Variants in EPPK1 observed in about 807,000 individuals in gnomAD.
EPPK1 encodes epiplakin 1, also known as epiplakin.
For missense variants in EPPK1, 3,823 were observed against 3,673.3 expected (o/e 1.04, Z -1.05); for synonymous variants, 1,862 against 1,721.2 (o/e 1.08, Z -2.03).
At position 143,869,061 on chromosome 8, in the gene EPPK1, T is replaced by C. The variant is rs782208855; in HGVS notation, c.4193A>G (p.Lys1398Arg). The C allele has an allele frequency of 3.7e-5, 60 of 1,608,894 alleles. No homozygotes were observed. The highest frequency in any genetic ancestry group is 4.8e-5 in the Non-Finnish European group (57 of 1,179,808). Residue 1398 changes from lysine to arginine, a missense_variant, in exon 2 of 2, where the codon AAG (lysine) becomes AGG (arginine). Coordinates refer to ENST00000615648, the MANE Select transcript of EPPK1 (RefSeq NM_031308.4). ...GGGGTCAAAGAAGAACTTGTTGTCC[T>C]TGTCAACTGCAGTCAGCACCTGGCT... ...QTSQVLTAVD[K>R]DNKFFFDPSA...
chr8:143,868,786 A>T lies in EPPK1; in HGVS notation c.4468T>A (p.Cys1490Ser), dbSNP rs1235686220. Residue 1490 changes from cysteine to serine, a missense_variant, in exon 2 of 2, where the codon TGT (cysteine) becomes AGT (serine). Coordinates refer to ENST00000615648, the MANE Select transcript of EPPK1 (RefSeq NM_031308.4). The part of the protein sequence containing the change: ...ADKRRELVAL[C>S]RSGRAAALRQ... ...AGGGCCGCAGCCCTCCCAGACCGACAGAGTGCCACCAGCTCCCGCCGCTTG... is the reference window on the plus strand; with the variant it reads ...AGGGCCGCAGCCCTCCCAGACCGACTGAGTGCCACCAGCTCCCGCCGCTTG... 6.2e-7 allele frequency: 1 copy of T among 1,600,338 alleles called. No homozygotes were observed. The highest frequency in any genetic ancestry group is 8.5e-7 in the Non-Finnish European group (1 of 1,178,136).
upstream of EPPK1, among the ~76,000 whole-genome samples, chr8:143,879,031 T>A (rs1168772097): frequency 6.6e-6 from 1 of 152,154 alleles, no homozygotes; most frequent in Non-Finnish European, 1.5e-5. Context: ...CAGAGAATGT[T>A]CCCTGTCACC....
In EPPK1 at chr8:143,867,143, G is replaced by A. The variant is rs1223894627; in HGVS notation, c.6111C>T (p.His2037=). 1 of 1,612,810 alleles carries A rather than the reference G, an allele frequency of 6.2e-7. No homozygotes were observed. Among genetic ancestry groups the A allele is most frequent in the Admixed American group, 1.7e-5 (1 of 60,032 alleles). The part of the protein sequence containing the change: ...LETAYRRGCL[H]KDIYALISDQ... ...CGGAAATGAGCGCATAGATGTCCTT[G>A]TGCAGACAGCCCCGTCTGTAGGCTG... Residue 2037 remains histidine (H), a synonymous_variant, in exon 2 of 2, where the codon CAC becomes CAT. Transcript: ENST00000615648.
At position 143,868,163 on chromosome 8, in the gene EPPK1, G is replaced by A; in HGVS notation, c.5091C>T (p.His1697=). 6.2e-7 allele frequency: 1 copy of A among 1,613,156 alleles called. No homozygotes were observed. ...TGGIIDPVHS[H]RVPVDVAYRC... ...GGTAGGCCACGTCCACGGGCACGCG[G>A]TGGCTGTGCACGGGGTCGATGATGC... The change falls in exon 2 of 2, where the codon CAC becomes CAT. Residue 1697 remains histidine, a synonymous_variant. Transcript: ENST00000615648.
rs1818919018 is a variant in EPPK1 at position 143,857,705 on chromosome 8, A to C, written c.*282T>G. 2 of 394,360 alleles carry C rather than the reference A, an allele frequency of 5.1e-6. No homozygotes were observed. The highest frequency in any genetic ancestry group is 4.5e-6 in the Non-Finnish European group (1 of 223,614). 24.4% of individuals were successfully genotyped at this position (394,360 alleles called of 1,614,324 possible). A position where few individuals can be genotyped will look rare whatever the true frequency, so the allele number is the denominator to read the frequency against. On this transcript the variant is annotated 3_prime_UTR_variant, in exon 2 of 2. Coordinates refer to ENST00000615648, the MANE Select transcript of EPPK1 (RefSeq NM_031308.4). ...GTAAAATGGAAGCAGTGAATCCAAAACAGACAGAAAAATGTTCTGAAAACG... is the reference window on the plus strand; with the variant it reads ...GTAAAATGGAAGCAGTGAATCCAAACCAGACAGAAAAATGTTCTGAAAACG...
At position 143,869,067 on chromosome 8, in the gene EPPK1, A is replaced by G. The variant is rs782352222; in HGVS notation, c.4187T>C (p.Val1396Ala). ...AAAGAAGAACTTGTTGTCCTTGTCA[A>G]CTGCAGTCAGCACCTGGCTCGTCTG... Reference protein sequence around the residue: ...DTQTSQVLTAVDKDNKFFFDP... With the variant: ...DTQTSQVLTAADKDNKFFFDP... The change falls in exon 2 of 2, where the codon GTT (valine) becomes GCT (alanine). Residue 1396 changes from valine to alanine, a missense_variant. Coordinates refer to ENST00000615648, the MANE Select transcript of EPPK1 (RefSeq NM_031308.4). 1.8e-5 allele frequency: 29 copies of G among 1,608,746 alleles called. No individual in the cohort carries two copies. In the South Asian group the frequency reaches 2.6e-4, roughly 15 times the overall value.
In EPPK1 at chr8:143,868,207, C is replaced by A; in HGVS notation, c.5047G>T (p.Ala1683Ser). Residue 1683 changes from alanine (A) to serine (S), a missense_variant, in exon 2 of 2, where the codon GCC becomes TCC. Ala to Ser is a moderately conservative substitution (Grantham distance 99). Coordinates refer to ENST00000615648, the MANE Select transcript of EPPK1 (RefSeq NM_031308.4). ...VREHGIRLLE[A>S]QIATGGIIDP... ...ATGATGCCGCCCGTGGCGATCTGGG[C>A]CTCCAGCAGGCGGATGCCGTGCTCC... 1 of 1,613,150 alleles carries A rather than the reference C, an allele frequency of 6.2e-7. No individual in the cohort carries two copies. The highest frequency in any genetic ancestry group is 2.2e-5 in the East Asian group (1 of 44,888).
At chr8:143,874,557 A>T (rs1393310034) in intron 1 of EPPK1, among the ~76,000 whole-genome samples, 1 of 152,142 alleles carries the variant, frequency 6.6e-6, no homozygotes, top group Non-Finnish European at 1.5e-5. Flanking sequence ...AAGCTGGAAA[A>T]GGCAGGCAGG....
chr8:143,865,774 C>T lies in EPPK1; in HGVS notation c.7480G>A (p.Ala2494Thr). 1 of 31,668 alleles carries T rather than the reference C, an allele frequency of 3.2e-5. No homozygotes were observed. The allele number at this position is 31,668 out of a possible 1,614,324, so 2.0% of individuals were successfully genotyped here. A position where few individuals can be genotyped will look rare whatever the true frequency, so the allele number is the denominator to read the frequency against. Residue 2494 changes from alanine to threonine, a missense_variant, in exon 2 of 2, where the codon GCC (alanine) becomes ACC (threonine). Transcript: ENST00000615648. ...GCCCGGGCCTGGGCCTGGGCCTGGG[C>T]CAGCAGCGAGGTGAGGGTGGCGCCC... Reference protein sequence around the residue: ...ELGATLTSLLAQAQAQARAEA... With the variant: ...ELGATLTSLLTQAQAQARAEA...
Position 143,869,948 on chromosome 8 carries a change from G to T in EPPK1, c.3306C>A (p.Cys1102Ter). The change falls in exon 2 of 2, where the codon TGC becomes TGA. Residue 1102 changes from cysteine to a stop codon, truncating the protein, a stop_gained. Coordinates refer to ENST00000615648, the MANE Select transcript of EPPK1 (RefSeq NM_031308.4). LOFTEE classifies it low-confidence loss of function (END_TRUNC). Reference sequence around the variant, plus strand: ...GAAGGCCAGAAGTCTCATCCCTGGGGCACTCCTCCAGGAGCTGGGCATAGC... The same window carrying T: ...GAAGGCCAGAAGTCTCATCCCTGGGTCACTCCTCCAGGAGCTGGGCATAGC... ...RTSYAQLLEE[C>*]PRDETSGLHL... 6.2e-7 allele frequency: 1 copy of T among 1,608,208 alleles called. No individual in the cohort carries two copies. Among genetic ancestry groups the T allele is most frequent in the Non-Finnish European group, 8.5e-7 (1 of 1,177,530 alleles).
Position 143,870,392 on chromosome 8 carries a change from CA to C in EPPK1, c.2861del (p.Leu954ArgfsTer48). 4 of 1,575,644 alleles carry C rather than the reference CA, an allele frequency of 2.5e-6. No individual in the cohort carries two copies. The highest frequency in any genetic ancestry group is 3.4e-6 in the Non-Finnish European group (4 of 1,166,628). On this transcript the variant is annotated frameshift_variant, in exon 2 of 2. Coordinates refer to ENST00000615648, the MANE Select transcript of EPPK1 (RefSeq NM_031308.4). LOFTEE classifies it low-confidence loss of function (END_TRUNC). This position sits in a 1 kb window ranked among gnomAD's most constrained non-coding sequence, Gnocchi z 5.2. ...LSLYQAMRQK[L>X]LGPRVALALL... ...GGGCCAGGGCCACCCTGGGCCCCAG[CA>C]GCTTCTGCCTCATGGCCTGGTAGAG...
intron 1 of EPPK1, among the ~76,000 whole-genome samples, chr8:143,874,179 C>T (rs1274750187): frequency 6.6e-6 from 1 of 152,242 alleles, no homozygotes. Flanking sequence ...TGCGCCAACC[C>T]CTTCCACACA....
chr8:143,872,882 G>A lies in EPPK1; in HGVS notation c.372C>T (p.Asp124=), dbSNP rs1275401309. The change falls in exon 2 of 2, where the codon GAC becomes GAT. Residue 124 remains aspartate, a synonymous_variant. Coordinates refer to ENST00000615648, the MANE Select transcript of EPPK1 (RefSeq NM_031308.4). ...AAERATTGYP[D]PYGGEKLALF... Reference sequence around the variant, plus strand: ...GGGCCAGCTTCTCACCGCCGTAGGGGTCAGGATAGCCCGTAGTGGCACGCT... The same window carrying A: ...GGGCCAGCTTCTCACCGCCGTAGGGATCAGGATAGCCCGTAGTGGCACGCT... 1 of 1,597,840 alleles carries A rather than the reference G, an allele frequency of 6.3e-7. No individual in the cohort carries two copies. Among genetic ancestry groups the A allele is most frequent in the Non-Finnish European group, 8.5e-7 (1 of 1,172,268 alleles).
In EPPK1 at chr8:143,872,491, C is replaced by T. The variant is rs1260120574; in HGVS notation, c.763G>A (p.Glu255Lys). ...TCCCGCAGACCCTGCACAGCCTGCTCGTCCAGGATGCCCACCTCCAGCAGC... is the reference window on the plus strand; with the variant it reads ...TCCCGCAGACCCTGCACAGCCTGCTTGTCCAGGATGCCCACCTCCAGCAGC... Reference protein sequence around the residue: ...AELLEVGILDEQAVQGLREGR... With the variant: ...AELLEVGILDKQAVQGLREGR... Residue 255 changes from glutamate (E) to lysine (K), a missense_variant, in exon 2 of 2, where the codon GAG (glutamate) becomes AAG (lysine). Transcript: ENST00000615648. 4.1e-5 allele frequency: 66 copies of T among 1,593,524 alleles called. No individual in the cohort carries two copies. The highest frequency in any genetic ancestry group is 5.2e-5 in the Non-Finnish European group (61 of 1,174,992).
chr8:143,867,058 G>C lies in EPPK1; in HGVS notation c.6196C>G (p.Arg2066Gly). The change falls in exon 2 of 2, where the codon CGA becomes GGA. Residue 2066 changes from arginine to glycine, a missense_variant. Physicochemically the swap from Arg to Gly is moderately radical, Grantham distance 125. Transcript: ENST00000615648. ...GGGCGGCACCTCTCCTGCAGCTCTC[G>C]GTACGAGACCTTCTCTTGCGTGTTC... is the stretch of plus-strand genomic sequence containing the variant. The part of the protein sequence containing the change: ...DPNTQEKVSY[R>G]ELQERCRPQE... 4 of 1,612,834 alleles carry C rather than the reference G, an allele frequency of 2.5e-6. No homozygotes were observed. The highest frequency in any genetic ancestry group is 3.4e-6 in the Non-Finnish European group (4 of 1,179,854).
In EPPK1 at chr8:143,867,252, G is replaced by T; in HGVS notation, c.6002C>A (p.Ala2001Glu). ...CACCTCCAGCAGCCTCAGTGCCTCC[G>T]CCTTCTCGATGAGCTGCTTCTGCAT... ...QAMQKQLIEK[A>E]EALRLLEVQV... The change falls in exon 2 of 2, where the codon GCG becomes GAG. Residue 2001 changes from alanine to glutamate, a missense_variant. Ala to Glu is a moderately radical substitution (Grantham distance 107). Coordinates refer to ENST00000615648, the MANE Select transcript of EPPK1 (RefSeq NM_031308.4). 2 of 1,612,560 alleles carry T rather than the reference G, an allele frequency of 1.2e-6. No individual in the cohort carries two copies. The highest frequency in any genetic ancestry group is 2.7e-5 in the African/African-American group (2 of 75,018).
Position 143,868,952 on chromosome 8 carries a change from C to G in EPPK1, c.4302G>C (p.Leu1434=), listed in dbSNP as rs782221229. The part of the protein sequence containing the change: ...DSETGLLLLP[L]PSDTVLEVDD... ...CCACCTCAAGCACTGTGTCTGAGGG[C>G]AGTGGCAACAGCAACAATCCGGTCT... The change falls in exon 2 of 2, where the codon CTG becomes CTC. Residue 1434 remains leucine, a synonymous_variant. Transcript: ENST00000615648. 6.2e-7 allele frequency: 1 copy of G among 1,610,808 alleles called. No individual in the cohort carries two copies. Among genetic ancestry groups the G allele is most frequent in the Non-Finnish European group, 8.5e-7 (1 of 1,179,830 alleles).
Position 143,872,104 on chromosome 8 carries a change from C to T in EPPK1, c.1150G>A (p.Gly384Arg). Residue 384 changes from glycine (G) to arginine (R), a missense_variant, in exon 2 of 2, where the codon GGG becomes AGG. Coordinates refer to ENST00000615648, the MANE Select transcript of EPPK1 (RefSeq NM_031308.4). Reference protein sequence around the residue: ...QIPLFQAMKKGLVDRPLALRL... With the variant: ...QIPLFQAMKKRLVDRPLALRL... ...AGTGCCAGTGGCCTGTCCACTAGCC[C>T]CTTCTTCATGGCCTGGAAAAGGGGG... 1 of 1,560,256 alleles carries T rather than the reference C, an allele frequency of 6.4e-7. No homozygotes were observed. The highest frequency in any genetic ancestry group is 2.4e-5 in the East Asian group (1 of 42,242).
Position 143,867,367 on chromosome 8 carries a change from C to A in EPPK1, c.5887G>T (p.Glu1963Ter). ...EAVDVGLVNEELRERLLKAER... is the reference protein window; with the variant it reads ...EAVDVGLVNE The stretch of plus-strand genomic sequence containing the variant: ...GCCTTCAGGAGCCTCTCCCGCAGCT[C>A]CTCGTTCACCAGGCCCACATCCACA... The change falls in exon 2 of 2, where the codon GAG becomes TAG. Residue 1963 changes from glutamate (E) to a stop codon, truncating the protein, a stop_gained. Transcript: ENST00000615648. LOFTEE classifies it low-confidence loss of function (END_TRUNC). The A allele has an allele frequency of 6.2e-7, 1 of 1,612,916 alleles. No individual in the cohort carries two copies. The highest frequency in any genetic ancestry group is 8.5e-7 in the Non-Finnish European group (1 of 1,179,868).
Sources: allele counts gnomAD v4.1 joint callset (sites outside exome capture counted in the v4.1 genomes callset), GRCh38; gene constraint gnomAD v4.1.1; non-coding constraint Gnocchi (gnomAD v3.1); transcripts MANE v1.5; gene names NCBI Gene and HGNC (gene_info 2026-07-23, HGNC 2026-07-21).